Variants in RBFOX1 observed in about 807,000 individuals in gnomAD.
The protein encoded by RBFOX1 is RNA binding fox-1 homolog 1.
A neutral mutation model predicts 57.7 loss-of-function variants in RBFOX1; 8 were observed. The ratio of observed to expected loss-of-function variants is 0.14; its 90% CI spans 0.08 to 0.25. The LOEUF is 0.25. Ranked by LOEUF, RBFOX1 falls within the 10% of genes least tolerant of loss-of-function variation. The probability of loss-of-function intolerance (pLI) is 1.00; values close to 1 mark genes in which losing one functional copy is unlikely to be tolerated. For synonymous variants in RBFOX1, 326 were observed against 222.4 expected (o/e 1.47, Z -4.15); for missense variants, 611 against 548.5 (o/e 1.11, Z -1.14).
At chr16:6,496,322 C>T (rs1028123455) in intron 2 of RBFOX1, among the ~76,000 whole-genome samples, 5 of 152,142 alleles carry the variant, frequency 3.3e-5, no homozygotes, top group Non-Finnish European at 7.3e-5. Context: ...TGTTGTTCTT[C>T]ATTCACAGGC....
chr16:7,371,446 G>T (rs541682855), intron 4 of RBFOX1, among the ~76,000 whole-genome samples: 4 of 152,294 alleles, frequency 2.6e-5, no homozygotes, highest in Admixed American at 2.0e-4. Flanking sequence ...AAGCACCATT[G>T]TGTATAGATA....
chr16:5,815,571 A>G (rs554880935), intron 3 of RBFOX1, among the ~76,000 whole-genome samples: 1 of 152,276 alleles, frequency 6.6e-6, no homozygotes, highest in South Asian at 2.1e-4. Context: ...TCTCCAGAGG[A>G]GCTGAAGAGA....
In RBFOX1 at chr16:6,188,018, G is replaced by C. The variant is rs115359703; in HGVS notation, c.-126-128977G>C. On this transcript the variant is annotated intron_variant, in intron 1 of 15. Transcript: ENST00000550418. Reference sequence around the variant, plus strand: ...ACACATGTGCTGTGTGTATGTATATGTGTATACACTCATCCCTCAGTGTCC... The same window carrying C: ...ACACATGTGCTGTGTGTATGTATATCTGTATACACTCATCCCTCAGTGTCC... Among the ~76,000 whole-genome samples the C allele has an allele frequency of 5.9e-3, 904 of 152,262 alleles. 11 individuals are homozygous for C. The highest frequency in any genetic ancestry group is 0.021 in the African/African-American group (867 of 41,558).
intron 3 of RBFOX1, among the ~76,000 whole-genome samples, chr16:7,019,493 C>A (rs919105592): frequency 6.6e-5 from 10 of 152,122 alleles, no homozygotes; most frequent in African/African-American, 2.2e-4. Flanking sequence ...GTCAAAAGCT[C>A]TCTTGTCTGA....
chr16:5,371,286 G>A (rs2065850835), intron 1 of RBFOX1, among the ~76,000 whole-genome samples: 1 of 152,136 alleles, frequency 6.6e-6, no homozygotes, highest in African/African-American at 2.4e-5. Context: ...GTTAAAATGA[G>A]GCCCTTAAGA....
chr16:6,993,191 A>G (rs139329392), intron 3 of RBFOX1, among the ~76,000 whole-genome samples: 122 of 151,812 alleles, frequency 8.0e-4, no homozygotes, highest in African/African-American at 2.8e-3. Flanking sequence ...AAATCATTTG[A>G]GGCTGAATGG....
At chr16:6,986,174 CA>C (rs2090212000) in intron 3 of RBFOX1, among the ~76,000 whole-genome samples, 1 of 95,194 alleles carries the variant, frequency 1.1e-5, no homozygotes, top group Admixed American at 1.0e-4. Context: ...CCAGAATCAC[CA>C]ATTTCTATTT....
intron 4 of RBFOX1, among the ~76,000 whole-genome samples, chr16:7,189,578 C>CAG (rs1238494173): frequency 6.6e-6 from 1 of 150,744 alleles, no homozygotes; most frequent in Non-Finnish European, 1.5e-5. Context: ...CACACACACA[C>CAG]ACACACACAT....
chr16:7,398,955 A>G (rs2098189548), intron 4 of RBFOX1, among the ~76,000 whole-genome samples: 1 of 152,206 alleles, frequency 6.6e-6, no homozygotes, highest in African/African-American at 2.4e-5. Flanking sequence ...ACTCTCTTCC[A>G]ATTGGGAGGC....
chr16:7,084,062 C>T (rs960150055), intron 4 of RBFOX1, among the ~76,000 whole-genome samples: 15 of 152,078 alleles, frequency 9.9e-5, no homozygotes, highest in East Asian at 3.9e-4. Context: ...TAATCCCACC[C>T]GGGGGCTTCT....
chr16:5,935,223 T>A (rs1022074151), intron 4 of RBFOX1, among the ~76,000 whole-genome samples: 13 of 152,278 alleles, frequency 8.5e-5, no homozygotes, highest in African/African-American at 3.1e-4. Context: ...AAATTTGAGC[T>A]ATAGTGAGGT....
chr16:7,100,304 C>T (rs899573245), intron 4 of RBFOX1, among the ~76,000 whole-genome samples: 4 of 152,034 alleles, frequency 2.6e-5, no homozygotes, highest in Non-Finnish European at 5.9e-5. Context: ...CTGACTCTTT[C>T]TGAAAATAAA....
chr16:7,033,318 G>T, intron 3 of RBFOX1, among the ~76,000 whole-genome samples: 1 of 152,292 alleles, frequency 6.6e-6, no homozygotes, highest in Middle Eastern at 3.4e-3. Flanking sequence ...CCAGGAGTTT[G>T]AGACCAGCCT....
rs1105005 is a variant in RBFOX1 at position 6,922,292 on chromosome 16, T to A, written c.-15-129765T>A. Among the ~76,000 whole-genome samples, 400 of 152,028 alleles carry A rather than the reference T, an allele frequency of 2.6e-3. 2 individuals are homozygous for A. The highest frequency in any genetic ancestry group is 9.0e-3 in the African/African-American group (372 of 41,464). On this transcript the variant is annotated intron_variant, in intron 3 of 15. Coordinates refer to ENST00000550418, the MANE Select transcript of RBFOX1 (RefSeq NM_018723.4). ...ATATAAACTGTAACTTATTCAGATA[T>A]TGGAAAGCACTGGTTTTCAGTTCCG...
intron 1 of RBFOX1, among the ~76,000 whole-genome samples, chr16:6,313,077 G>A (rs2080571938): frequency 6.6e-6 from 1 of 152,156 alleles, no homozygotes; most frequent in Non-Finnish European, 1.5e-5. Context: ...GGTGCTAAAA[G>A]CATCCCCAGT....
At chr16:7,424,872 G>A (rs1207912642) in intron 4 of RBFOX1, among the ~76,000 whole-genome samples, 5 of 152,098 alleles carry the variant, frequency 3.3e-5, no homozygotes, top group African/African-American at 7.2e-5. Context: ...TATTTTGACT[G>A]AATGACCCCC....
At chr16:5,479,334 C>T (rs1180858483) in intron 2 of RBFOX1, among the ~76,000 whole-genome samples, 1 of 152,188 alleles carries the variant, frequency 6.6e-6, no homozygotes, top group Non-Finnish European at 1.5e-5. Context: ...ACAGAGAAGT[C>T]AGGTGATTTG....
At chr16:5,480,219 T>A (rs781232747) in intron 2 of RBFOX1, among the ~76,000 whole-genome samples, 2 of 152,196 alleles carry the variant, frequency 1.3e-5, no homozygotes, top group Non-Finnish European at 2.9e-5. Context: ...GTAGAATCGC[T>A]AATGATGTGT....
intron 4 of RBFOX1, among the ~76,000 whole-genome samples, chr16:7,166,278 TGCTGGGATTATAGGCGTGAA>T (rs2079494246): frequency 6.7e-6 from 1 of 148,162 alleles, no homozygotes; most frequent in Non-Finnish European, 1.5e-5. Context: ...ACTTCCCAAG[TGCTGGGATTATAGGCGTGAA>T]CCACCGCACC....
Sources: allele counts gnomAD v4.1 joint callset (sites outside exome capture counted in the v4.1 genomes callset), GRCh38; gene constraint gnomAD v4.1.1; transcripts MANE v1.5; gene names NCBI Gene and HGNC (gene_info 2026-07-23, HGNC 2026-07-21).